The following PEX5L variants were observed in gnomAD, a reference collection of about 807,000 sequenced individuals.
PEX5L encodes PEX5-related protein.
In PEX5L, 30 loss-of-function variants were observed where a neutral mutation model predicts 84.0. That is an observed-to-expected ratio of 0.36 (90% CI 0.27 to 0.48). The LOEUF is 0.48. Ranked by LOEUF, PEX5L falls within the 20% of genes least tolerant of loss-of-function variation. The pLI is 0.99. For synonymous variants in PEX5L, 270 were observed against 283.1 expected (o/e 0.95, Z 0.46); for missense variants, 533 against 754.6 (o/e 0.71, Z 3.44).
chr3:179,972,411 C>T (rs548501501), intron 1 of PEX5L, among the ~76,000 whole-genome samples: 13 of 152,018 alleles, frequency 8.6e-5, no homozygotes, highest in African/African-American at 2.9e-4. Context: ...AATCATTTTA[C>T]ACTTGTGCTA....
At chr3:179,974,147 T>C in intron 1 of PEX5L, 3 of 985,544 alleles carry the variant, frequency 3.0e-6, no homozygotes, top group East Asian at 1.1e-4. Flanking sequence ...CTTCTATCTA[T>C]GCACTTTTGT....
At chr3:179,860,639 C>T (rs1745748822) in intron 7 of PEX5L, among the ~76,000 whole-genome samples, 2 of 152,226 alleles carry the variant, frequency 1.3e-5, no homozygotes, top group African/African-American at 2.4e-5. Context: ...TCATTCATTT[C>T]TCTACCATTG....
intron 1 of PEX5L, among the ~76,000 whole-genome samples, chr3:179,989,231 C>T (rs1407938210): frequency 6.6e-6 from 1 of 152,000 alleles, no homozygotes; most frequent in Admixed American, 6.6e-5. Context: ...TTAGATGCTT[C>T]GTAGAATTAA....
intron 13 of PEX5L, 102 bp downstream of exon 13, chr3:179,808,170 G>T: frequency 3.2e-6 from 3 of 933,896 alleles, no homozygotes; most frequent in Non-Finnish European, 3.1e-6. Flanking sequence ...AACCATTGGA[G>T]TCAGGGAAAT....
At chr3:179,833,441 C>T (rs749306957) in intron 8 of PEX5L, among the ~76,000 whole-genome samples, 2 of 152,174 alleles carry the variant, frequency 1.3e-5, no homozygotes, top group African/African-American at 2.4e-5. Flanking sequence ...TCTTGCTTCC[C>T]CTCAACCCTC....
intron 2 of PEX5L, among the ~76,000 whole-genome samples, chr3:179,906,432 C>G (rs75148276): frequency 6.6e-6 from 1 of 152,160 alleles, no homozygotes; most frequent in Non-Finnish European, 1.5e-5. Context: ...CTGCAAGCAA[C>G]TTTTCCTATC....
At chr3:179,995,808 T>C (rs1445334932) in intron 1 of PEX5L, among the ~76,000 whole-genome samples, 1 of 152,102 alleles carries the variant, frequency 6.6e-6, no homozygotes, top group East Asian at 1.9e-4. Flanking sequence ...CAACGAAAGG[T>C]GCATGCACAG....
intron 9 of PEX5L, among the ~76,000 whole-genome samples, chr3:179,817,892 C>T (rs1330556883): frequency 2.0e-5 from 3 of 152,108 alleles, no homozygotes; most frequent in Non-Finnish European, 4.4e-5. Flanking sequence ...CTCGGGGGCA[C>T]GAGTTACAGC....
chr3:179,943,217 C>T (rs1008497048), intron 2 of PEX5L, among the ~76,000 whole-genome samples: 9 of 152,218 alleles, frequency 5.9e-5, no homozygotes, highest in South Asian at 4.1e-4. Context: ...ATTAGGTTAG[C>T]GCTATCATCA....
chr3:179,890,506 T>C (rs553372072), intron 3 of PEX5L, among the ~76,000 whole-genome samples: 76 of 152,348 alleles, frequency 5.0e-4, no homozygotes, highest in South Asian at 2.3e-3. Context: ...ATAGTCATTA[T>C]TTCTTTGAAA....
intron 1 of PEX5L, among the ~76,000 whole-genome samples, chr3:180,012,961 T>C (rs1181728083): frequency 6.6e-6 from 1 of 152,164 alleles, no homozygotes; most frequent in Non-Finnish European, 1.5e-5. Flanking sequence ...TTCACGATTA[T>C]GTTACAAAGT....
At chr3:180,015,295 A>C (rs1789846986) in intron 1 of PEX5L, among the ~76,000 whole-genome samples, 1 of 152,092 alleles carries the variant, frequency 6.6e-6, no homozygotes, top group African/African-American at 2.4e-5. Flanking sequence ...AAGGGAGTTG[A>C]CTCTGGAGCC....
At chr3:179,948,140 T>C (rs1033371352) in intron 2 of PEX5L, among the ~76,000 whole-genome samples, 1 of 152,238 alleles carries the variant, frequency 6.6e-6, no homozygotes, top group Non-Finnish European at 1.5e-5. Context: ...ATAAAATGTG[T>C]TTGACTTTCC....
chr3:179,817,884 C>T lies in PEX5L; in HGVS notation c.940-1880G>A, dbSNP rs1336492099. 5.9e-5 allele frequency among the ~76,000 whole-genome samples: 9 copies of T among 152,220 alleles called. No individual in the cohort carries two copies. In the South Asian group the frequency reaches 8.3e-4, roughly 14 times the overall value. On this transcript the variant is annotated intron_variant, in intron 9 of 14. Transcript: ENST00000467460. ...GGGGCTATGGAGCTCAGGCAGACCT[C>T]GGGGGCACGAGTTACAGCCCAGAGT... is the stretch of plus-strand genomic sequence containing the variant.
chr3:179,957,048 C>T (rs537605674), intron 2 of PEX5L, among the ~76,000 whole-genome samples: 42 of 152,138 alleles, frequency 2.8e-4, no homozygotes, highest in African/African-American at 9.9e-4. Context: ...TATAAGGAAA[C>T]CACTAAAATG....
rs1345483997 is a variant in PEX5L at position 179,874,400 on chromosome 3, G to A, written c.653C>T (p.Pro218Leu). The change falls in exon 7 of 15, where the codon CCA (proline) becomes CTA (leucine). Residue 218 changes from proline (P) to leucine (L), a missense_variant. Pro to Leu is a moderately conservative substitution (Grantham distance 98). Around this residue, in one of 8 missense-constraint regions of PEX5L, gnomAD observed 259 missense variants for 301.7 expected, o/e 0.86. Transcript: ENST00000467460. Reference protein sequence around the residue: ...LLWSSEHRSQPELSGGKSALN... With the variant: ...LLWSSEHRSQLELSGGKSALN... ...GGCGCTTTTTCCACCACTCAGTTCT[G>A]GTTGAGATCTGTGTTCTGAGGACCT... is the stretch of plus-strand genomic sequence containing the variant. 2 of 1,610,138 alleles carry A rather than the reference G, an allele frequency of 1.2e-6. No individual in the cohort carries two copies. Among genetic ancestry groups the A allele is most frequent in the African/African-American group, 1.3e-5 (1 of 74,768 alleles).
chr3:179,816,027 T>G (rs765329300), intron 9 of PEX5L, 23 bp from the exon 10 acceptor site: 2 of 1,608,860 alleles, frequency 1.2e-6, no homozygotes, highest in East Asian at 2.2e-5. Context: ...AAAAGGCCAG[T>G]GCATGAGCCA....
At chr3:179,905,638 A>G (rs1762944484) in intron 2 of PEX5L, among the ~76,000 whole-genome samples, 1 of 150,412 alleles carries the variant, frequency 6.6e-6, no homozygotes, top group Non-Finnish European at 1.5e-5. Context: ...GATTGGCTCC[A>G]AAGAAGTTCT....
At chr3:179,881,807 C>A (rs1235946671) in intron 4 of PEX5L, among the ~76,000 whole-genome samples, 1 of 152,096 alleles carries the variant, frequency 6.6e-6, no homozygotes, top group African/African-American at 2.4e-5. Flanking sequence ...CATAAAGTGG[C>A]CTGAAAGTGT....
Sources: gnomAD v4.1 joint callset for allele counts (sites outside exome capture counted in the v4.1 genomes callset) on GRCh38, gnomAD v4.1.1 for gene constraint, gnomAD v4.1.1 regional missense constraint, MANE v1.5 for transcripts, NCBI Gene and HGNC (gene_info 2026-07-23, HGNC 2026-07-21) for gene names.